Variants in GRK5 observed in about 807,000 individuals in gnomAD.
GRK5 encodes the protein g protein-coupled receptor kinase GRK5.
Under a neutral mutation model 78.4 loss-of-function variants are expected in GRK5, and 40 were observed. The ratio of observed to expected loss-of-function variants is 0.51; its 90% CI spans 0.40 to 0.66. GRK5 has a LOEUF of 0.66. Ranked by LOEUF, GRK5 falls within the 30% of genes least tolerant of loss-of-function variation. The pLI, the probability that GRK5 is intolerant of heterozygous loss-of-function variation, is 0.00. For missense variants in GRK5, 598 were observed against 759.9 expected, an observed-to-expected ratio of 0.79 and a Z score of 2.50; for synonymous variants, 289 against 296.8, an observed-to-expected ratio of 0.97 and a Z score of 0.27.
In GRK5 at chr10:119,457,629, A is replaced by C. The variant is rs960767722; in HGVS notation, c.*2562A>C. ...CAGCCCTTCTCCCTACTGAGTCCCC[A>C]GTCCTGTCCCTTCCCTGACTCGCTC... On this transcript the variant is annotated 3_prime_UTR_variant, in exon 16 of 16. Coordinates refer to ENST00000392870, the MANE Select transcript of GRK5 (RefSeq NM_005308.3). 3.3e-5 allele frequency: 5 copies of C among 150,970 alleles called. No individual in the cohort carries two copies. Among genetic ancestry groups the C allele is most frequent in the African/African-American group, 1.2e-4 (5 of 41,066 alleles). 9.4% of individuals were successfully genotyped at this position (150,970 alleles called of 1,614,324 possible). A position where few individuals can be genotyped will look rare whatever the true frequency, so the allele number is the denominator to read the frequency against.
At chr10:119,297,393 G>A (rs1289476298) in intron 1 of GRK5, among the ~76,000 whole-genome samples, 1 of 152,110 alleles carries the variant, frequency 6.6e-6, no homozygotes, top group African/African-American at 2.4e-5. Context: ...CCTGCAGATG[G>A]GTGAAGAGTC....
intron 1 of GRK5, among the ~76,000 whole-genome samples, chr10:119,234,505 A>C (rs1380912179): frequency 6.6e-6 from 1 of 152,180 alleles, no homozygotes; most frequent in East Asian, 1.9e-4. Context: ...AGGAGGCAAA[A>C]GTACATTTGG....
At chr10:119,361,060 GC>G (rs1564904970) in intron 2 of GRK5, among the ~76,000 whole-genome samples, 1 of 152,306 alleles carries the variant, frequency 6.6e-6, no homozygotes, top group East Asian at 1.9e-4. Flanking sequence ...GGGCTTTGGA[GC>G]CAAAAAGACC....
intron 1 of GRK5, among the ~76,000 whole-genome samples, chr10:119,280,297 G>A (rs1024393984): frequency 2.0e-5 from 3 of 152,326 alleles, no homozygotes; most frequent in African/African-American, 4.8e-5. Flanking sequence ...AGTTAGTGCC[G>A]TAACACACAC....
chr10:119,432,531 GA>G (rs1219081884), intron 8 of GRK5, among the ~76,000 whole-genome samples: 1 of 152,132 alleles, frequency 6.6e-6, no homozygotes, highest in Admixed American at 6.5e-5. Flanking sequence ...ACAATAAAAC[GA>G]AAAGCTTCCC....
At chr10:119,368,459 A>C (rs936799865) in intron 2 of GRK5, among the ~76,000 whole-genome samples, 4 of 152,196 alleles carry the variant, frequency 2.6e-5, no homozygotes, top group African/African-American at 9.7e-5. Flanking sequence ...CGCTGGAGAA[A>C]GGCCCCATGC....
At chr10:119,398,327 G>A (rs1852091585) in intron 4 of GRK5, among the ~76,000 whole-genome samples, 1 of 152,190 alleles carries the variant, frequency 6.6e-6, no homozygotes, top group Non-Finnish European at 1.5e-5. Context: ...CACCCTAGAG[G>A]GCATAATGAT....
intron 1 of GRK5, 70 bp downstream of exon 1, chr10:119,208,039 C>G: frequency 6.8e-7 from 1 of 1,460,536 alleles, no homozygotes; most frequent in Non-Finnish European, 9.4e-7. Context: ...GGGTGGCGTG[C>G]GGGCTGGGGC....
chr10:119,309,411 TG>T (rs1399355432), intron 1 of GRK5, among the ~76,000 whole-genome samples: 1 of 152,150 alleles, frequency 6.6e-6, no homozygotes, highest in Non-Finnish European at 1.5e-5. Flanking sequence ...GGAAGCATGC[TG>T]GGAATGCAGG....
chr10:119,362,317 G>A (rs1851378154), intron 2 of GRK5, among the ~76,000 whole-genome samples: 1 of 152,216 alleles, frequency 6.6e-6, no homozygotes. Flanking sequence ...CCCTTTGCCT[G>A]TGCCTTTGGG....
chr10:119,395,849 G>A (rs535569166), intron 3 of GRK5, among the ~76,000 whole-genome samples: 1 of 152,180 alleles, frequency 6.6e-6, no homozygotes, highest in African/African-American at 2.4e-5. Flanking sequence ...GCCACCTCCC[G>A]CTGCATGACC....
chr10:119,397,013 C>T (rs892294935), intron 4 of GRK5, among the ~76,000 whole-genome samples: 4 of 152,254 alleles, frequency 2.6e-5, no homozygotes, highest in African/African-American at 9.6e-5. Flanking sequence ...TCTTGGGGCC[C>T]AGCCCCTTCA....
intron 1 of GRK5, among the ~76,000 whole-genome samples, chr10:119,314,843 C>T (rs773882177): frequency 2.0e-5 from 3 of 152,216 alleles, no homozygotes; most frequent in Non-Finnish European, 2.9e-5. Context: ...AGGACTGAGG[C>T]TGGATTCCCC....
At chr10:119,437,752 T>A (rs1375258229) in intron 9 of GRK5, among the ~76,000 whole-genome samples, 2 of 152,228 alleles carry the variant, frequency 1.3e-5, no homozygotes, top group Non-Finnish European at 2.9e-5. Context: ...AATATATAGA[T>A]ACATACAAGA....
chr10:119,448,455 C>T (rs1853206341), intron 13 of GRK5, among the ~76,000 whole-genome samples, 195 bp downstream of exon 13: 7 of 152,242 alleles, frequency 4.6e-5, no homozygotes, highest in Admixed American at 4.6e-4. Flanking sequence ...GAGGCGTGGG[C>T]CAGGGAGCCC....
At chr10:119,279,610 G>A (rs776495930) in intron 1 of GRK5, among the ~76,000 whole-genome samples, 23 of 152,238 alleles carry the variant, frequency 1.5e-4, no homozygotes, top group Admixed American at 3.3e-4. Context: ...TTCAAAACGT[G>A]CCGTGGTTCT....
intron 1 of GRK5, among the ~76,000 whole-genome samples, chr10:119,255,495 T>C (rs76066044): frequency 0.021 from 3,216 of 152,318 alleles, 58 homozygotes; most frequent in Admixed American, 0.054. Flanking sequence ...AAGGCTCTTG[T>C]GTGATTTTCA....
Position 119,445,388 on chromosome 10 carries a change from C to T in GRK5, c.1266+1636C>T, listed in dbSNP as rs554511868. Among the ~76,000 whole-genome samples the T allele has an allele frequency of 3.9e-5, 6 of 152,176 alleles. No homozygotes were observed. The highest frequency in any genetic ancestry group is 2.0e-4 in the Admixed American group (3 of 15,298). ...GAGAGATCTCAGCAGGGATATGGGACGTACTAAGAGGATGACGAGGCGGAG... is the reference window on the plus strand; with the variant it reads ...GAGAGATCTCAGCAGGGATATGGGATGTACTAAGAGGATGACGAGGCGGAG... On this transcript the variant is annotated intron_variant, in intron 12 of 15. Transcript: ENST00000392870. This position sits in a 1 kb window ranked among gnomAD's most constrained non-coding sequence, Gnocchi z 4.1.
intron 1 of GRK5, among the ~76,000 whole-genome samples, chr10:119,224,615 T>C (rs889395468): frequency 6.6e-6 from 1 of 152,136 alleles, no homozygotes; most frequent in Non-Finnish European, 1.5e-5. Flanking sequence ...GGTTTCACCA[T>C]GTTGGTCAGG....
Sources: gnomAD v4.1 joint callset for allele counts (sites outside exome capture counted in the v4.1 genomes callset) on GRCh38, gnomAD v4.1.1 for gene constraint, Gnocchi (gnomAD v3.1) non-coding constraint, MANE v1.5 for transcripts, NCBI Gene and HGNC (gene_info 2026-07-23, HGNC 2026-07-21) for gene names.